Variants in NT5M observed in about 807,000 individuals in gnomAD.
The protein encoded by NT5M is 5',3'-nucleotidase, mitochondrial.
In NT5M, 22 loss-of-function variants were observed where a neutral mutation model predicts 22.2. The observed-to-expected ratio is 0.99, with a 90% CI of 0.71 to 1.41. The LOEUF is 1.41. Among genes scored for constraint, NT5M ranks in the 40% most tolerant of loss-of-function variants. The pLI, the probability that NT5M is intolerant of heterozygous loss-of-function variation, is 0.00. For missense variants in NT5M, 322 were observed against 314.8 expected (o/e 1.02, Z -0.17); for synonymous variants, 167 against 133.0 (o/e 1.26, Z -1.76).
intron 1 of NT5M, among the ~76,000 whole-genome samples, chr17:17,305,957 T>C (rs1460201163): frequency 6.6e-6 from 1 of 152,188 alleles, no homozygotes; most frequent in Admixed American, 6.6e-5. Flanking sequence ...GCATTTTTGC[T>C]TTGCAACTCT....
At chr17:17,334,313 GTT>G (rs551340168) in intron 3 of NT5M, among the ~76,000 whole-genome samples, 13 of 139,416 alleles carry the variant, frequency 9.3e-5, no homozygotes, top group East Asian at 2.1e-4. Flanking sequence ...AAATGGAGAG[GTT>G]TTTTTTTTTT....
At chr17:17,317,514 C>G (rs772154979) in intron 2 of NT5M, among the ~76,000 whole-genome samples, 10 of 152,148 alleles carry the variant, frequency 6.6e-5, no homozygotes, top group Non-Finnish European at 1.3e-4. Context: ...CACCTGTGCT[C>G]CCAGCTACTC....
chr17:17,303,494 C>G lies in NT5M; in HGVS notation c.-57C>G, dbSNP rs2048723716. On this transcript the variant is annotated 5_prime_UTR_variant, in exon 1 of 5. Coordinates refer to ENST00000389022, the MANE Select transcript of NT5M (RefSeq NM_020201.4). ...CCGCGGCGGGAATGTCTGGCCGGCT[C>G]CGGCAGCACGGCGCGGCCCAGGTCC... The G allele has an allele frequency of 2.0e-6, 2 of 1,020,056 alleles. No homozygotes were observed. Among genetic ancestry groups the G allele is most frequent in the Non-Finnish European group, 2.3e-6 (2 of 853,816 alleles). 63.2% of individuals were successfully genotyped at this position (1,020,056 alleles called of 1,614,324 possible).
In NT5M at chr17:17,315,744, G is replaced by GTTTTTTTTTTTTTTTTTTT. The variant is rs1173004367; in HGVS notation, c.369-7434_369-7433insTTTTTTTTTTTTTTTTTTT. Among the ~76,000 whole-genome samples the GTTTTTTTTTTTTTTTTTTT allele has an allele frequency of 1.2e-4, 8 of 67,714 alleles. 2 individuals are homozygous for GTTTTTTTTTTTTTTTTTTT. Among genetic ancestry groups the GTTTTTTTTTTTTTTTTTTT allele is most frequent in the Non-Finnish European group, 2.7e-5 (1 of 37,274 alleles). The allele number at this position is 67,714 out of a possible 152,430, so 44.4% of individuals were successfully genotyped here. Reference sequence around the variant, plus strand: ...AGAGATTGATGTGATCTAACTTAGGGTTTTTTTGTTTTTTTTTTTTTTTTT... The same window carrying GTTTTTTTTTTTTTTTTTTT: ...AGAGATTGATGTGATCTAACTTAGGGTTTTTTTTTTTTTTTTTTTTTTTTTTGTTTTTTTTTTTTTTTTT... On this transcript the variant is annotated intron_variant, in intron 2 of 4. Transcript: ENST00000389022.
At chr17:17,320,182 C>T (rs1181029729) in intron 2 of NT5M, among the ~76,000 whole-genome samples, 2 of 152,074 alleles carry the variant, frequency 1.3e-5, no homozygotes, top group Non-Finnish European at 2.9e-5. Context: ...TGAATTGTAC[C>T]CTTTTAATAT....
chr17:17,329,028 A>T (rs1327766580), intron 3 of NT5M, among the ~76,000 whole-genome samples: 2 of 152,028 alleles, frequency 1.3e-5, no homozygotes, highest in African/African-American at 4.8e-5. Context: ...CCCAGGCTGG[A>T]GTGCAGTGGC....
chr17:17,318,857 A>G (rs9896970), intron 2 of NT5M, among the ~76,000 whole-genome samples: 90,944 of 146,062 alleles, frequency 0.62, 29,555 homozygotes, highest in East Asian at 0.79. Context: ...CCTTGAAAAC[A>G]TGATACTGAG....
rs142591350 is a variant in NT5M at position 17,329,353 on chromosome 17, G to A, written c.429+6108G>A. On this transcript the variant is annotated intron_variant, in intron 3 of 4. Coordinates refer to ENST00000389022, the MANE Select transcript of NT5M (RefSeq NM_020201.4). ...CACAGACAGTTGAAGCTGAGGGTTAGCGGCCAGAAAGTGGGGAGTCAGACT... is the reference window on the plus strand; with the variant it reads ...CACAGACAGTTGAAGCTGAGGGTTAACGGCCAGAAAGTGGGGAGTCAGACT... Among the ~76,000 whole-genome samples, 492 of 152,310 alleles carry A rather than the reference G, an allele frequency of 3.2e-3. 2 individuals are homozygous for A. The highest frequency in any genetic ancestry group is 5.8e-3 in the South Asian group (28 of 4,824).
intron 3 of NT5M, among the ~76,000 whole-genome samples, chr17:17,336,182 T>G (rs959007828): frequency 2.6e-5 from 4 of 151,682 alleles, no homozygotes; most frequent in African/African-American, 9.7e-5. Flanking sequence ...TTTTGTATTT[T>G]TAGTAGAGAC....
chr17:17,309,405 G>A (rs1242745990), intron 2 of NT5M, among the ~76,000 whole-genome samples: 1 of 152,002 alleles, frequency 6.6e-6, no homozygotes, highest in Non-Finnish European at 1.5e-5. Context: ...GATTACAGAT[G>A]TTTTCAATTC....
chr17:17,339,559 A>G (rs1248500810), intron 3 of NT5M, among the ~76,000 whole-genome samples: 2 of 152,174 alleles, frequency 1.3e-5, no homozygotes, highest in Non-Finnish European at 2.9e-5. Flanking sequence ...CCGGTCTTAG[A>G]GGAAAGGCTT....
At position 17,344,913 on chromosome 17, in the gene NT5M, G is replaced by A. The variant is rs764837737; in HGVS notation, c.544+5G>A. On this transcript the variant is annotated splice_donor_5th_base_variant and intron_variant, in intron 4 of 4. Coordinates refer to ENST00000389022, the MANE Select transcript of NT5M (RefSeq NM_020201.4). ...ACGACCGGCCGGACATCACAGGCAA[G>A]TGGCCTGCGACAGGTGAGGAGCACG... 2.5e-6 allele frequency: 4 copies of A among 1,614,004 alleles called. No homozygotes were observed. The African/African-American group carries it at 5.3e-5, about 22-fold the overall frequency.
intron 3 of NT5M, among the ~76,000 whole-genome samples, chr17:17,332,591 C>T (rs2049410604): frequency 6.6e-6 from 1 of 152,138 alleles, no homozygotes; most frequent in African/African-American, 2.4e-5. Flanking sequence ...GATACCTTTA[C>T]ATTCATCTGG....
chr17:17,307,029 C>A (rs1483118360), intron 2 of NT5M, among the ~76,000 whole-genome samples: 3 of 151,840 alleles, frequency 2.0e-5, no homozygotes, highest in Non-Finnish European at 2.9e-5. Flanking sequence ...GAAACCCCAT[C>A]TCTACTAAAA....
At chr17:17,318,960 C>T (rs11655849) in intron 2 of NT5M, among the ~76,000 whole-genome samples, 15,865 of 151,844 alleles carry the variant, frequency 0.1, 1,156 homozygotes, top group East Asian at 0.2. Context: ...CCTGTAATCC[C>T]AGTGCTTTGG....
At chr17:17,328,553 G>A (rs760484197) in intron 3 of NT5M, among the ~76,000 whole-genome samples, 7 of 152,144 alleles carry the variant, frequency 4.6e-5, no homozygotes, top group Non-Finnish European at 8.8e-5. Context: ...AGGAAGGGCT[G>A]GAGATGGGTC....
intron 2 of NT5M, among the ~76,000 whole-genome samples, chr17:17,309,684 T>C (rs1481034682): frequency 6.6e-6 from 1 of 151,566 alleles, no homozygotes; most frequent in East Asian, 1.9e-4. Flanking sequence ...TCTTTTTTTT[T>C]TTTTTTTTTT....
At chr17:17,326,829 C>G (rs2049277686) in intron 3 of NT5M, among the ~76,000 whole-genome samples, 2 of 152,216 alleles carry the variant, frequency 1.3e-5, no homozygotes, top group Non-Finnish European at 2.9e-5. Flanking sequence ...AACGAAAGAG[C>G]AAAGGCAACA....
At chr17:17,337,471 C>G (rs1597795995) in intron 3 of NT5M, among the ~76,000 whole-genome samples, 1 of 151,034 alleles carries the variant, frequency 6.6e-6, no homozygotes, top group Non-Finnish European at 1.5e-5. Flanking sequence ...GTGGTTTAAT[C>G]ATGGCTCACT....
Sources: allele counts gnomAD v4.1 joint callset (sites outside exome capture counted in the v4.1 genomes callset), GRCh38; gene constraint gnomAD v4.1.1; transcripts MANE v1.5; gene names NCBI Gene and HGNC (gene_info 2026-07-23, HGNC 2026-07-21).